Variants in GPR174 observed in about 807,000 individuals in gnomAD.
The protein encoded by GPR174 is probable G protein-coupled receptor 174.
GPR174 carries 8 observed loss-of-function variants against 16.5 expected under a neutral mutation model. The observed-to-expected ratio is 0.48, with a 90% CI of 0.28 to 0.87. GPR174 has a LOEUF of 0.87. Among genes scored for constraint, GPR174 ranks in the 40% least tolerant of loss-of-function variants. The probability of loss-of-function intolerance (pLI) is 0.09; values close to 1 mark genes in which losing one functional copy is unlikely to be tolerated. For missense variants in GPR174, 214 were observed against 247.5 expected (o/e 0.86, Z 0.91); for synonymous variants, 111 against 94.8 (o/e 1.17, Z -0.99).
chrX:79,154,018 G>GA (rs1226263076), intron 1 of GPR174, among the ~76,000 whole-genome samples: 2 of 111,639 alleles, frequency 1.8e-5, no homozygotes, highest in Non-Finnish European at 3.8e-5. Flanking sequence ...AGTTCTTCCA[G>GA]AAAATGAGAA....
intron 2 of GPR174, among the ~76,000 whole-genome samples, chrX:79,164,219 C>T (rs920842143): frequency 9.0e-6 from 1 of 111,011 alleles, no homozygotes; most frequent in African/African-American, 3.3e-5. Context: ...CACCACACCC[C>T]TATGCCTTCC....
chrX:79,160,242 G>A (rs749556315), intron 2 of GPR174, among the ~76,000 whole-genome samples: 1 of 110,588 alleles, frequency 9.0e-6, no homozygotes, highest in African/African-American at 3.3e-5. Flanking sequence ...GCTATGAATG[G>A]CTTTTGATTG....
At position 79,154,735 on chromosome X, in the gene GPR174, G is replaced by A. The variant is rs765469258; in HGVS notation, c.-653-2087G>A. 7.9e-4 allele frequency among the ~76,000 whole-genome samples: 87 copies of A among 110,768 alleles called. 2 individuals carry two copies. Among genetic ancestry groups the A allele is most frequent in the Non-Finnish European group, 2.5e-4 (13 of 52,827 alleles). Reference sequence around the variant, plus strand: ...TCCCTCATTCCGCAGATGAAATACCGAGGTCAAGAGATAGAAGGGACATTC... The same window carrying A: ...TCCCTCATTCCGCAGATGAAATACCAAGGTCAAGAGATAGAAGGGACATTC... On this transcript the variant is annotated intron_variant, in intron 1 of 2. Transcript: ENST00000645147.
In GPR174 at chrX:79,172,763, G is replaced by A. The variant is rs1017636452; in HGVS notation, c.*754G>A. 9.0e-6 allele frequency: 1 copy of A among 111,645 alleles called. No individual in the cohort carries two copies. The highest frequency in any genetic ancestry group is 3.3e-5 in the African/African-American group (1 of 30,685). 9.2% of individuals were successfully genotyped at this position (111,645 alleles called of 1,213,427 possible). A position where few individuals can be genotyped will look rare whatever the true frequency, so the allele number is the denominator to read the frequency against. On this transcript the variant is annotated 3_prime_UTR_variant, in exon 3 of 3. Coordinates refer to ENST00000645147, the MANE Select transcript of GPR174 (RefSeq NM_032553.3). ...AGGTAGTTTGTCAAAGTCCATACAA[G>A]GTGACTCAATTGGGCTCTAGGCCTA... is the stretch of plus-strand genomic sequence containing the variant.
At chrX:79,157,916 A>C (rs1486784359) in intron 2 of GPR174, among the ~76,000 whole-genome samples, 1 of 109,446 alleles carries the variant, frequency 9.1e-6, no homozygotes, top group African/African-American at 3.3e-5. Context: ...GGGGAAAAAA[A>C]CACCTCAACC....
intron 1 of GPR174, among the ~76,000 whole-genome samples, chrX:79,152,667 A>T (rs1413123028): frequency 1.8e-5 from 2 of 111,625 alleles, no homozygotes; most frequent in Non-Finnish European, 3.8e-5. Flanking sequence ...CTTCTAAATT[A>T]TGCTTTCAAC....
chrX:79,148,605 T>A (rs937675196), intron 1 of GPR174, among the ~76,000 whole-genome samples: 9 of 111,140 alleles, frequency 8.1e-5, no homozygotes, highest in African/African-American at 2.9e-4. Context: ...GCAGACTTTA[T>A]CCCCTCGGAC....
At chrX:79,146,637 G>T (rs758378947) in intron 1 of GPR174, among the ~76,000 whole-genome samples, 1 of 112,134 alleles carries the variant, frequency 8.9e-6, no homozygotes, top group East Asian at 2.8e-4. Context: ...AATAATATTT[G>T]TGTGAGACAG....
chrX:79,172,927 G>A lies in GPR174; in HGVS notation c.*918G>A, dbSNP rs1251171950. 8.9e-6 allele frequency: 1 copy of A among 112,003 alleles called. No individual in the cohort carries two copies. The highest frequency in any genetic ancestry group is 1.9e-5 in the Non-Finnish European group (1 of 53,145). 9.2% of individuals were successfully genotyped at this position (112,003 alleles called of 1,213,427 possible). On this transcript the variant is annotated 3_prime_UTR_variant, in exon 3 of 3. Coordinates refer to ENST00000645147, the MANE Select transcript of GPR174 (RefSeq NM_032553.3). The stretch of plus-strand genomic sequence containing the variant: ...AGATACATTGAGGTAATGTTGACAG[G>A]TTCCTGCACTTTCTGAGCCTGTGGA...
chrX:79,160,414 A>T (rs1401336649), intron 2 of GPR174, among the ~76,000 whole-genome samples: 1 of 112,120 alleles, frequency 8.9e-6, no homozygotes, highest in East Asian at 2.8e-4. Context: ...AGACAAACTC[A>T]TTTGGATTCT....
rs1921551986 is a variant in GPR174 at position 79,172,810 on chromosome X, A to G, written c.*801A>G. ...CCTAGGAGAAAGCAGAAAGGTGACA[A>G]TCACAATTCTGCTCTCTTACACTTT... On this transcript the variant is annotated 3_prime_UTR_variant, in exon 3 of 3. Transcript: ENST00000645147. 8.9e-6 allele frequency: 1 copy of G among 111,804 alleles called. No individual in the cohort carries two copies. The highest frequency in any genetic ancestry group is 3.7e-4 in the South Asian group (1 of 2,678). 9.2% of individuals were successfully genotyped at this position (111,804 alleles called of 1,213,427 possible).
At chrX:79,160,479 T>C (rs951097694) in intron 2 of GPR174, among the ~76,000 whole-genome samples, 4 of 112,044 alleles carry the variant, frequency 3.6e-5, no homozygotes, top group African/African-American at 1.3e-4. Context: ...GAATCCCATG[T>C]CCTAAAAGTT....
intron 1 of GPR174, among the ~76,000 whole-genome samples, chrX:79,151,551 A>T (rs1926602136): frequency 9.0e-6 from 1 of 111,292 alleles, no homozygotes; most frequent in Admixed American, 9.6e-5. Context: ...TCTCTATACG[A>T]TGAAGCTATA....
chrX:79,170,953 T>G lies in GPR174; in HGVS notation c.-55T>G. 9.6e-7 allele frequency: 1 copy of G among 1,041,531 alleles called. No individual in the cohort carries two copies. Among genetic ancestry groups the G allele is most frequent in the Non-Finnish European group, 1.3e-6 (1 of 768,165 alleles). 85.8% of individuals were successfully genotyped at this position (1,041,531 alleles called of 1,213,427 possible). ...TCTTTTGGAAGGAACAGCAGTTGATTGTGAATTTAGTTTTGAACCACCATT... is the reference window on the plus strand; with the variant it reads ...TCTTTTGGAAGGAACAGCAGTTGATGGTGAATTTAGTTTTGAACCACCATT... On this transcript the variant is annotated 5_prime_UTR_variant, in exon 3 of 3. In the 5' UTR this introduces an upstream ATG that the reference lacks. Transcript: ENST00000645147.
chrX:79,151,611 G>A lies in GPR174; in HGVS notation c.-653-5211G>A, dbSNP rs745807040. ...TTGAGAATCAAGAGAGTTGGTAATA[G>A]AAGAAGTCAAGATGTACCCATTTCA... On this transcript the variant is annotated intron_variant, in intron 1 of 2. Coordinates refer to ENST00000645147, the MANE Select transcript of GPR174 (RefSeq NM_032553.3). Among the ~76,000 whole-genome samples the A allele has an allele frequency of 3.5e-4, 39 of 111,819 alleles. No homozygotes were observed. The South Asian group carries it at 0.014, about 42-fold the overall frequency.
chrX:79,168,352 T>C (rs1921425678), intron 2 of GPR174, among the ~76,000 whole-genome samples: 1 of 111,613 alleles, frequency 9.0e-6, no homozygotes, highest in African/African-American at 3.3e-5. Flanking sequence ...GGATGGTTTC[T>C]GGACAGGGCT....
chrX:79,163,507 G>A (rs1921284268), intron 2 of GPR174, among the ~76,000 whole-genome samples: 1 of 111,479 alleles, frequency 9.0e-6, no homozygotes, highest in African/African-American at 3.3e-5. Context: ...ATTTTTCTCA[G>A]TTTCCTAGAT....
rs902315180 is a variant in GPR174 at position 79,171,489 on chromosome X, C to A, written c.482C>A (p.Thr161Asn). 1.7e-6 allele frequency: 2 copies of A among 1,209,186 alleles called. No individual in the cohort carries two copies. Among genetic ancestry groups the A allele is most frequent in the African/African-American group, 1.8e-5 (1 of 57,040 alleles). Residue 161 changes from threonine (T) to asparagine (N), a missense_variant, in exon 3 of 3, where the codon ACC becomes AAC. Coordinates refer to ENST00000645147, the MANE Select transcript of GPR174 (RefSeq NM_032553.3). ...LFPLLRTSDD[T>N]SGNRTKCFVD... ...CCACTCCTCAGAACCAGTGATGATA[C>A]CTCTGGCAATAGGACCAAATGCTTT... is the stretch of plus-strand genomic sequence containing the variant.
rs71903156 is a variant in GPR174 at position 79,168,539 on chromosome X, A to AT, written c.-556-1902dup. On this transcript the variant is annotated intron_variant, in intron 2 of 2. Transcript: ENST00000645147. ...CAAAGCAAGACCCCAATCTCTACAA[A>AT]TTTTTTTTTTTGATTAGCTGTCACA... Among the ~76,000 whole-genome samples, 95 of 105,252 alleles carry AT rather than the reference A, an allele frequency of 9.0e-4. 5 individuals carry two copies. The East Asian group carries it at 0.017, about 19-fold the overall frequency. The allele number at this position is 105,252 out of a possible 115,157, so 91.4% of individuals were successfully genotyped here.
Sources: gnomAD v4.1 joint callset for allele counts (sites outside exome capture counted in the v4.1 genomes callset) on GRCh38, gnomAD v4.1.1 for gene constraint, MANE v1.5 for transcripts, NCBI Gene and HGNC (gene_info 2026-07-23, HGNC 2026-07-21) for gene names.